The following FBLN1 variants were observed in gnomAD, a reference collection of about 807,000 sequenced individuals.
FBLN1 encodes fibulin-1.
A neutral mutation model predicts 89.7 loss-of-function variants in FBLN1; 34 were observed. That is an observed-to-expected ratio of 0.38 (90% confidence interval 0.29 to 0.50). The LOEUF (loss-of-function observed/expected upper bound fraction) is 0.50, where lower values mean the gene tolerates loss of function less well. Among genes scored for constraint, FBLN1 ranks in the 20% least tolerant of loss-of-function variants. FBLN1 has a pLI of 0.92. For missense variants in FBLN1, 777 were observed against 988.1 expected, an observed-to-expected ratio of 0.79 and a Z score of 2.86; for synonymous variants, 393 against 391.3, an observed-to-expected ratio of 1.00 and a Z score of -0.05.
chr22:45,532,054 G>T lies in FBLN1; in HGVS notation c.544+730G>T, dbSNP rs554407136. On this transcript the variant is annotated intron_variant, in intron 5 of 16. Transcript: ENST00000327858. This position sits in a 1 kb window ranked among gnomAD's most constrained non-coding sequence, Gnocchi z 4.2. ...TGCTTTTCTTTCATGGAACATTCTG[G>T]CATGTCTAGACCTGCAGATCTGCCT... Among the ~76,000 whole-genome samples the T allele has an allele frequency of 3.5e-4, 54 of 152,292 alleles. No homozygotes were observed. Among genetic ancestry groups the T allele is most frequent in the Non-Finnish European group, 7.2e-4 (49 of 68,024 alleles).
At chr22:45,573,960 C>A (rs2088972321) in intron 14 of FBLN1, among the ~76,000 whole-genome samples, 1 of 135,774 alleles carries the variant, frequency 7.4e-6, no homozygotes, top group Non-Finnish European at 1.6e-5. Flanking sequence ...GGAACCCAGA[C>A]CTCTGAGAGA....
intron 8 of FBLN1, 193 bp downstream of exon 8, chr22:45,535,530 T>C (rs1204328967): frequency 3.1e-6 from 2 of 644,718 alleles, no homozygotes; most frequent in African/African-American, 3.6e-5. Flanking sequence ...TCTGTCATAA[T>C]AGTCAACTCT....
At position 45,517,836 on chromosome 22, in the gene FBLN1, A is replaced by G. The variant is rs368082969; in HGVS notation, c.80-846A>G. The G allele has an allele frequency of 2.0e-4, 70 of 351,556 alleles. 1 individual carries two copies. Among genetic ancestry groups the G allele is most frequent in the South Asian group, 1.5e-3 (69 of 46,666 alleles). 21.8% of individuals were successfully genotyped at this position (351,556 alleles called of 1,614,324 possible). A position where few individuals can be genotyped will look rare whatever the true frequency, so the allele number is the denominator to read the frequency against. On this transcript the variant is annotated intron_variant, in intron 1 of 16. Coordinates refer to ENST00000327858, the MANE Select transcript of FBLN1 (RefSeq NM_006486.3). The stretch of plus-strand genomic sequence containing the variant: ...GTGGGTCACAGAAGCTGGTCTAGAA[A>G]TGGTGGTTTTTAGGCTGGGTGCGGT...
intron 14 of FBLN1, chr22:45,564,895 A>G (rs1569258592): frequency 1.2e-6 from 2 of 1,614,020 alleles, no homozygotes; most frequent in Non-Finnish European, 1.7e-6. Flanking sequence ...CAGAAATCCA[A>G]GAAGGGAAGG....
chr22:45,546,849 C>T lies in FBLN1; in HGVS notation c.1322-236C>T, dbSNP rs564045799. 1.3e-4 allele frequency among the ~76,000 whole-genome samples: 20 copies of T among 152,298 alleles called. No homozygotes were observed. In the South Asian group the frequency reaches 3.7e-3, roughly 28 times the overall value. On this transcript the variant is annotated intron_variant, in intron 11 of 16. Transcript: ENST00000327858. ...TCCAGGGGCCAAGGCTGGAGGCGAT[C>T]GCTGCCATCCTGGCAGGAGAAGTTG...
At chr22:45,514,244 C>T (rs2088139905) in intron 1 of FBLN1, among the ~76,000 whole-genome samples, 1 of 152,154 alleles carries the variant, frequency 6.6e-6, no homozygotes, top group Non-Finnish European at 1.5e-5. Flanking sequence ...GAGGTCGGTG[C>T]CCTTGTTTTG....
intron 1 of FBLN1, chr22:45,518,459 G>A: frequency 5.0e-6 from 3 of 605,744 alleles, no homozygotes; most frequent in Non-Finnish European, 9.1e-6. Context: ...ATTCAGATGG[G>A]GGAGGATTCA....
Position 45,530,394 on chromosome 22 carries a change from A to G in FBLN1, c.485-871A>G, listed in dbSNP as rs1231821421. Among the ~76,000 whole-genome samples, 2 of 151,790 alleles carry G rather than the reference A, an allele frequency of 1.3e-5. No individual in the cohort carries two copies. Among genetic ancestry groups the G allele is most frequent in the African/African-American group, 4.8e-5 (2 of 41,278 alleles). On this transcript the variant is annotated intron_variant, in intron 4 of 16. Transcript: ENST00000327858. The surrounding 1 kb of genome is among the most constrained non-coding windows in gnomAD (Gnocchi z 5.4). ...AGTCCTTGCCCCAGACTATCCTCGC[A>G]TGCTCCCTCCTCTGGGAGGGCTTCC...
At chr22:45,533,621 T>G (rs1412416825) in intron 6 of FBLN1, 140 bp from the exon 7 acceptor site, 1 of 907,092 alleles carries the variant, frequency 1.1e-6, no homozygotes, top group African/African-American at 1.6e-5. Flanking sequence ...ACAGCCCGGA[T>G]GTGCACATGG....
intron 2 of FBLN1, among the ~76,000 whole-genome samples, chr22:45,520,833 T>A (rs2088240346): frequency 6.6e-6 from 1 of 152,082 alleles, no homozygotes; most frequent in Non-Finnish European, 1.5e-5. Flanking sequence ...CTTTATTTTT[T>A]GAAACTGAGT....
At chr22:45,553,307 A>G (rs1036029069) in intron 14 of FBLN1, among the ~76,000 whole-genome samples, 5 of 152,100 alleles carry the variant, frequency 3.3e-5, no homozygotes, top group Non-Finnish European at 5.9e-5. Context: ...GTTGGAGCAC[A>G]TTGTCCTCTA....
chr22:45,564,927 A>C (rs1248522834), intron 14 of FBLN1: 2 of 1,614,120 alleles, frequency 1.2e-6, no homozygotes, highest in Non-Finnish European at 1.7e-6. Flanking sequence ...AGCGGGATCA[A>C]GTAAAGAGGA....
Position 45,574,386 on chromosome 22 carries a change from A to T in FBLN1, c.1698-125A>T, listed in dbSNP as rs530034617. On this transcript the variant is annotated intron_variant, in intron 14 of 16. Coordinates refer to ENST00000327858, the MANE Select transcript of FBLN1 (RefSeq NM_006486.3). This position sits in a 1 kb window ranked among gnomAD's most constrained non-coding sequence, Gnocchi z 4.1. ...CTGCAGAGACCACTGTCGTTCTCTG[A>T]TGGAGCTGTCTCTGGGACAGATGCC... The T allele has an allele frequency of 1.7e-4, 169 of 1,017,900 alleles. No homozygotes were observed. In the African/African-American group the frequency reaches 2.3e-3, roughly 14 times the overall value. 63.1% of individuals were successfully genotyped at this position (1,017,900 alleles called of 1,614,324 possible).
In FBLN1 at chr22:45,598,868, G is replaced by A. The variant is rs537719972; in HGVS notation, c.1973-1439G>A. 5.7e-4 allele frequency among the ~76,000 whole-genome samples: 87 copies of A among 152,354 alleles called. 1 individual carries two copies. Among genetic ancestry groups the A allele is most frequent in the Middle Eastern group, 3.4e-3 (1 of 294 alleles). On this transcript the variant is annotated intron_variant, in intron 16 of 16. Coordinates refer to ENST00000327858, the MANE Select transcript of FBLN1 (RefSeq NM_006486.3). ...TGCAGGAGCACAGGGGCATGGCACC[G>A]TTTGTTGCTGGGGAACCTAGGCCTC...
rs997856013 is a variant in FBLN1 at position 45,556,674 on chromosome 22, C to T, written c.1697+6059C>T. Among the ~76,000 whole-genome samples, 7 of 152,140 alleles carry T rather than the reference C, an allele frequency of 4.6e-5. No individual in the cohort carries two copies. Among genetic ancestry groups the T allele is most frequent in the Admixed American group, 6.6e-5 (1 of 15,260 alleles). The stretch of plus-strand genomic sequence containing the variant: ...TCATCTTGATAGTCTGGGTCAGCCA[C>T]CCCAGCCAACACTGTAACTCCCTTC... On this transcript the variant is annotated intron_variant, in intron 14 of 16. Coordinates refer to ENST00000327858, the MANE Select transcript of FBLN1 (RefSeq NM_006486.3). This position sits in a 1 kb window ranked among gnomAD's most constrained non-coding sequence, Gnocchi z 4.6.
intron 1 of FBLN1, among the ~76,000 whole-genome samples, chr22:45,508,793 G>A (rs1163262670): frequency 2.6e-5 from 4 of 152,142 alleles, no homozygotes; most frequent in Admixed American, 1.3e-4. Context: ...ATTCATTCAC[G>A]GACATTTATT....
In FBLN1 at chr22:45,537,904, C is replaced by T. The variant is rs532307045; in HGVS notation, c.922+2567C>T. 6.6e-6 allele frequency among the ~76,000 whole-genome samples: 1 copy of T among 152,286 alleles called. No individual in the cohort carries two copies. The highest frequency in any genetic ancestry group is 2.1e-4 in the South Asian group (1 of 4,826). ...GTCCTGCTCAGACTTGCAGCCTGCT[C>T]AAAGGGGGGTCCGGAGGAGGCTGGC... On this transcript the variant is annotated intron_variant, in intron 8 of 16. Coordinates refer to ENST00000327858, the MANE Select transcript of FBLN1 (RefSeq NM_006486.3). This position sits in a 1 kb window ranked among gnomAD's most constrained non-coding sequence, Gnocchi z 5.7.
chr22:45,556,511 G>T lies in FBLN1; in HGVS notation c.1697+5896G>T. ...TCCTGAAGGGTCTGGGTCATTTGTA[G>T]TCCTGCCTGGATTGGGCTGTTGTAG... On this transcript the variant is annotated intron_variant, in intron 14 of 16. Coordinates refer to ENST00000327858, the MANE Select transcript of FBLN1 (RefSeq NM_006486.3). The surrounding 1 kb of genome is among the most constrained non-coding windows in gnomAD (Gnocchi z 4.6). Among the ~76,000 whole-genome samples, 1 of 151,808 alleles carries T rather than the reference G, an allele frequency of 6.6e-6. No homozygotes were observed. Among genetic ancestry groups the T allele is most frequent in the East Asian group, 1.9e-4 (1 of 5,184 alleles).
In FBLN1 at chr22:45,545,366, A is replaced by G. The variant is rs1020419729; in HGVS notation, c.1322-1719A>G. ...TTGTGAGGATGAAACGAGATTAAGC[A>G]TGTGAAGAGCTTATCACAGGGCCAA... On this transcript the variant is annotated intron_variant, in intron 11 of 16. Transcript: ENST00000327858. This position sits in a 1 kb window ranked among gnomAD's most constrained non-coding sequence, Gnocchi z 5.9. Among the ~76,000 whole-genome samples, 1 of 152,194 alleles carries G rather than the reference A, an allele frequency of 6.6e-6. No individual in the cohort carries two copies. The highest frequency in any genetic ancestry group is 2.4e-5 in the African/African-American group (1 of 41,438).
Sources: allele counts gnomAD v4.1 joint callset (sites outside exome capture counted in the v4.1 genomes callset), GRCh38; gene constraint gnomAD v4.1.1; non-coding constraint Gnocchi (gnomAD v3.1); transcripts MANE v1.5; gene names NCBI Gene and HGNC (gene_info 2026-07-23, HGNC 2026-07-21).